The following AKR1A1 variants were observed in gnomAD, a reference collection of about 807,000 sequenced individuals.
AKR1A1 encodes HEL-S-165mP.
AKR1A1 carries 26 observed loss-of-function variants against 39.2 expected under a neutral mutation model. The ratio of observed to expected loss-of-function variants is 0.66; its 90% CI spans 0.49 to 0.92. The LOEUF (loss-of-function observed/expected upper bound fraction) is 0.92. AKR1A1 is among the 40% of genes least tolerant of loss of function. The pLI is 0.00. For synonymous variants in AKR1A1, 141 were observed against 155.5 expected (o/e 0.91, Z 0.69); for missense variants, 378 against 406.5 (o/e 0.93, Z 0.60).
At chr1:45,566,490 C>G (rs1343943337) in intron 2 of AKR1A1, 79 bp from the exon 3 acceptor site, 2 of 1,581,500 alleles carry the variant, frequency 1.3e-6, no homozygotes, top group African/African-American at 2.7e-5. Flanking sequence ...GCCCCCTTCC[C>G]CCAGCATTGA....
At chr1:45,559,845 G>A (rs1197797571) in intron 1 of AKR1A1, among the ~76,000 whole-genome samples, 2 of 151,218 alleles carry the variant, frequency 1.3e-5, no homozygotes, top group African/African-American at 4.9e-5. Flanking sequence ...ACGGGGTTTC[G>A]CTATGTTGAC....
At chr1:45,553,312 C>T (rs371092828) in intron 1 of AKR1A1, among the ~76,000 whole-genome samples, 1 of 151,616 alleles carries the variant, frequency 6.6e-6, no homozygotes. Context: ...GTCCCAACTA[C>T]TGGGGAGGCT....
rs746133642 is a variant in AKR1A1 at position 45,569,173 on chromosome 1, A to T, written c.856A>T (p.Met286Leu). The change falls in exon 8 of 9, where the codon ATG becomes TTG. Residue 286 changes from methionine (M) to leucine (L), a missense_variant. Met to Leu is a conservative substitution (Grantham distance 15). Coordinates refer to ENST00000351829, the MANE Select transcript of AKR1A1 (RefSeq NM_153326.3). ...TGACTTCACCTTTAGCCCAGAAGAG[A>T]TGAAGCAGCTAAATGCCCTGAACAA... ...VFDFTFSPEE[M>L]KQLNALNKNW... 21 of 1,614,150 alleles carry T rather than the reference A, an allele frequency of 1.3e-5. No homozygotes were observed. In the South Asian group the frequency reaches 2.0e-4, roughly 15 times the overall value.
At position 45,569,214 on chromosome 1, in the gene AKR1A1, T is replaced by G. The variant is rs751125273; in HGVS notation, c.897T>G (p.Ile299Met). 6.2e-7 allele frequency: 1 copy of G among 1,613,956 alleles called. No individual in the cohort carries two copies. Among genetic ancestry groups the G allele is most frequent in the South Asian group, 1.1e-5 (1 of 91,070 alleles). ...CCCTGAACAAAAATTGGAGATATATTGTGCCTATGCTTACGGTGAGGATGT... is the reference window on the plus strand; with the variant it reads ...CCCTGAACAAAAATTGGAGATATATGGTGCCTATGCTTACGGTGAGGATGT... ...LNALNKNWRY[I>M]VPMLTVDGKR... The change falls in exon 8 of 9, where the codon ATT becomes ATG. Residue 299 changes from isoleucine to methionine, a missense_variant. Ile to Met is a conservative substitution (Grantham distance 10). Transcript: ENST00000351829.
At chr1:45,553,161 T>C (rs1234089042) in intron 1 of AKR1A1, among the ~76,000 whole-genome samples, 1 of 151,904 alleles carries the variant, frequency 6.6e-6, no homozygotes, top group African/African-American at 2.4e-5. Flanking sequence ...CAGTGGCTTA[T>C]GCCTATAATA....
Position 45,558,159 on chromosome 1 carries a change from G to A in AKR1A1, c.-6-3630G>A, listed in dbSNP as rs941249817. ...CCTGACCTCAAGTCTTAAGTGATCT[G>A]CCTGCCTCGGCCTCCCAAAGTGCTG... On this transcript the variant is annotated intron_variant, in intron 1 of 8. Transcript: ENST00000351829. Among the ~76,000 whole-genome samples, 3 of 151,462 alleles carry A rather than the reference G, an allele frequency of 2.0e-5. No individual in the cohort carries two copies. The East Asian group carries it at 5.9e-4, about 30-fold the overall frequency.
chr1:45,562,138 C>G (rs1260132529), intron 2 of AKR1A1, among the ~76,000 whole-genome samples: 4 of 152,048 alleles, frequency 2.6e-5, no homozygotes, highest in Non-Finnish European at 5.9e-5. Context: ...CCCCTCTGTG[C>G]CCATCCCTAT....
intron 1 of AKR1A1, among the ~76,000 whole-genome samples, chr1:45,554,230 C>T (rs1008668740): frequency 2.6e-5 from 4 of 152,108 alleles, no homozygotes; most frequent in Admixed American, 6.6e-5. Context: ...AGTTTCAGAC[C>T]AGCCTGGGCA....
chr1:45,565,634 C>T (rs1302462785), intron 2 of AKR1A1, among the ~76,000 whole-genome samples: 1 of 145,946 alleles, frequency 6.9e-6, no homozygotes, highest in Non-Finnish European at 1.5e-5. Flanking sequence ...CCACCATGCA[C>T]AGCTAATTTT....
At chr1:45,558,397 T>C (rs929342538) in intron 1 of AKR1A1, among the ~76,000 whole-genome samples, 1 of 89,170 alleles carries the variant, frequency 1.1e-5, no homozygotes, top group African/African-American at 5.4e-5. Context: ...CCCAGCTAAT[T>C]TTTTTTTTTT....
rs1039625680 is a variant in AKR1A1, at chr1:45,566,701, G to A, written c.204+13G>A. The A allele has an allele frequency of 1.2e-6, 2 of 1,613,918 alleles. No individual in the cohort carries two copies. The highest frequency in any genetic ancestry group is 1.7e-6 in the Non-Finnish European group (2 of 1,179,930). On this transcript the variant is annotated intron_variant, in intron 3 of 8. Coordinates refer to ENST00000351829, the MANE Select transcript of AKR1A1 (RefSeq NM_153326.3). Reference sequence around the variant, plus strand: ...GGGACCAGGCAAGGTAAGGACTGGGGTTGTAAATAGAGGTGGGATAAGAGA... The same window carrying A: ...GGGACCAGGCAAGGTAAGGACTGGGATTGTAAATAGAGGTGGGATAAGAGA...
At position 45,568,110 on chromosome 1, in the gene AKR1A1, CCAACTT is replaced by C; in HGVS notation, c.490_495del (p.Phe164_Asn165del). ...GGGCTGGTGCAGGCGCTGGGCCTGT[CCAACTT>C]CAACAGTCGGCAGATTGATGACATA... On this transcript the variant is annotated inframe_deletion, in exon 5 of 9. Transcript: ENST00000351829. The C allele has an allele frequency of 6.2e-7, 1 of 1,614,050 alleles. No individual in the cohort carries two copies. The highest frequency in any genetic ancestry group is 8.5e-7 in the Non-Finnish European group (1 of 1,180,012).
Position 45,570,036 on chromosome 1 carries a change from C to T in AKR1A1, c.*80C>T. 2.9e-6 allele frequency: 4 copies of T among 1,367,700 alleles called. No homozygotes were observed. The allele number at this position is 1,367,700 out of a possible 1,614,324, so 84.7% of individuals were successfully genotyped here. A position where few individuals can be genotyped will look rare whatever the true frequency, so the allele number is the denominator to read the frequency against. On this transcript the variant is annotated 3_prime_UTR_variant, in exon 9 of 9. Coordinates refer to ENST00000351829, the MANE Select transcript of AKR1A1 (RefSeq NM_153326.3). Reference sequence around the variant, plus strand: ...AACGGAAAGAGGGAGTTAATAAAGCCATTGGAGCATCCATATTGCTTGCTT... The same window carrying T: ...AACGGAAAGAGGGAGTTAATAAAGCTATTGGAGCATCCATATTGCTTGCTT...
intron 1 of AKR1A1, among the ~76,000 whole-genome samples, chr1:45,561,233 CA>C (rs1644273255): frequency 2.0e-5 from 3 of 152,262 alleles, no homozygotes; most frequent in South Asian, 4.1e-4. Flanking sequence ...AGTTCTTTAA[CA>C]GAGATCTTTA....
In AKR1A1 at chr1:45,566,718, G is replaced by A. The variant is rs111414652; in HGVS notation, c.204+30G>A. The A allele has an allele frequency of 2.0e-3, 3,211 of 1,612,114 alleles. 68 individuals carry two copies. In the African/African-American group the frequency reaches 0.039, roughly 20 times the overall value. On this transcript the variant is annotated intron_variant, in intron 3 of 8. Transcript: ENST00000351829. ...GGACTGGGGTTGTAAATAGAGGTGGGATAAGAGAACTTAGAAGCTGAAGCT... is the reference window on the plus strand; with the variant it reads ...GGACTGGGGTTGTAAATAGAGGTGGAATAAGAGAACTTAGAAGCTGAAGCT...
At chr1:45,562,891 A>C (rs1051713261) in intron 2 of AKR1A1, among the ~76,000 whole-genome samples, 1 of 152,102 alleles carries the variant, frequency 6.6e-6, no homozygotes, top group Non-Finnish European at 1.5e-5. Context: ...ACGCCAAGGC[A>C]GGAAGATTGC....
chr1:45,561,115 G>A (rs192671481), intron 1 of AKR1A1, among the ~76,000 whole-genome samples: 96 of 152,242 alleles, frequency 6.3e-4, no homozygotes, highest in African/African-American at 2.2e-3. Flanking sequence ...CAGTTACCTG[G>A]TCTCTCTCTC....
chr1:45,568,346 GA>G, intron 5 of AKR1A1, 138 bp from the exon 6 acceptor site: 1 of 1,241,828 alleles, frequency 8.1e-7, no homozygotes, highest in Non-Finnish European at 1.1e-6. Flanking sequence ...TGAAATTGCC[GA>G]TGGGAAATGG....
intron 1 of AKR1A1, among the ~76,000 whole-genome samples, chr1:45,553,429 A>AAT (rs1644160006): frequency 6.6e-6 from 1 of 151,734 alleles, no homozygotes; most frequent in Admixed American, 6.6e-5. Flanking sequence ...TCAAAAAAAA[A>AAT]AGAGTGGTGG....
Sources: gnomAD v4.1 joint callset for allele counts (sites outside exome capture counted in the v4.1 genomes callset) on GRCh38, gnomAD v4.1.1 for gene constraint, MANE v1.5 for transcripts, NCBI Gene and HGNC (gene_info 2026-07-23, HGNC 2026-07-21) for gene names.